The following SGCZ variants were observed in gnomAD, a reference collection of about 807,000 sequenced individuals.
The protein encoded by SGCZ is sarcoglycan zeta, also known as zeta-sarcoglycan.
SGCZ carries 40 observed loss-of-function variants against 41.3 expected under a neutral mutation model. That is an observed-to-expected ratio of 0.97 (90% CI 0.75 to 1.26). The LOEUF is 1.26. Among genes scored for constraint, SGCZ ranks in the 50% most tolerant of loss-of-function variants. The probability of loss-of-function intolerance (pLI) is 0.00; values close to 1 mark genes in which losing one functional copy is unlikely to be tolerated. For synonymous variants in SGCZ, 206 were observed against 137.5 expected, an observed-to-expected ratio of 1.50 and a Z score of -3.49; for missense variants, 552 against 369.8, an observed-to-expected ratio of 1.49 and a Z score of -4.04.
At chr8:14,675,494 A>G (rs1417199812) in intron 1 of SGCZ, among the ~76,000 whole-genome samples, 2 of 152,084 alleles carry the variant, frequency 1.3e-5, no homozygotes, top group East Asian at 3.9e-4. Context: ...TTATTTATTG[A>G]CCACTGTATA....
At chr8:14,347,995 C>T (rs1443464492) in intron 2 of SGCZ, among the ~76,000 whole-genome samples, 2 of 152,068 alleles carry the variant, frequency 1.3e-5, no homozygotes, top group Non-Finnish European at 2.9e-5. Flanking sequence ...CATTCCCTTG[C>T]ATCATGCACG....
At chr8:14,536,989 C>A (rs534757904) in intron 2 of SGCZ, among the ~76,000 whole-genome samples, 3 of 151,896 alleles carry the variant, frequency 2.0e-5, no homozygotes, top group African/African-American at 7.2e-5. Flanking sequence ...TTCTTTAGAA[C>A]TACAAAGGAA....
chr8:14,485,946 A>G (rs1801661442), intron 2 of SGCZ, among the ~76,000 whole-genome samples: 1 of 143,876 alleles, frequency 7.0e-6, no homozygotes, highest in East Asian at 2.1e-4. Flanking sequence ...GGTTCGCGCC[A>G]TTCTCCTGCC....
chr8:14,435,351 G>T (rs904914183), intron 2 of SGCZ, among the ~76,000 whole-genome samples: 1 of 152,088 alleles, frequency 6.6e-6, no homozygotes, highest in African/African-American at 2.4e-5. Context: ...AGTCTTAGCA[G>T]AATCTATTGT....
Position 14,164,644 on chromosome 8 carries a change from G to C in SGCZ, c.483C>G (p.Gly161=), listed in dbSNP as rs376169255. 6.2e-7 allele frequency: 1 copy of C among 1,613,476 alleles called. No individual in the cohort carries two copies. The highest frequency in any genetic ancestry group is 1.3e-5 in the African/African-American group (1 of 74,862). ...KRFEVRASED[G]RVLFSADEDE... is the part of the protein sequence containing the mutation. Reference sequence around the variant, plus strand: ...CTTCATCTGCAGAAAACAGCACCCTGCCATCTTCACTGGCTCTCACTTCAA... The same window carrying C: ...CTTCATCTGCAGAAAACAGCACCCTCCCATCTTCACTGGCTCTCACTTCAA... Residue 161 remains glycine, a synonymous_variant, in exon 5 of 8, where the codon GGC becomes GGG. Transcript: ENST00000382080.
chr8:14,776,056 G>C (rs897552892), intron 1 of SGCZ, among the ~76,000 whole-genome samples: 1 of 152,086 alleles, frequency 6.6e-6, no homozygotes, highest in Non-Finnish European at 1.5e-5. Flanking sequence ...ACAAAATGAA[G>C]ACATTCAAAA....
chr8:14,655,461 A>G (rs1241599246), intron 1 of SGCZ, among the ~76,000 whole-genome samples: 3 of 152,146 alleles, frequency 2.0e-5, no homozygotes, highest in Admixed American at 6.6e-5. Flanking sequence ...TATGGGAATG[A>G]CATTTCCAAT....
At chr8:14,996,218 T>A (rs901644925) in intron 1 of SGCZ, among the ~76,000 whole-genome samples, 1 of 152,106 alleles carries the variant, frequency 6.6e-6, no homozygotes, top group Non-Finnish European at 1.5e-5. Context: ...TTTGCTTTTA[T>A]GTCAATGGTC....
At chr8:14,834,998 C>T (rs958815629) in intron 1 of SGCZ, among the ~76,000 whole-genome samples, 1 of 152,196 alleles carries the variant, frequency 6.6e-6, no homozygotes, top group Non-Finnish European at 1.5e-5. Flanking sequence ...AATTCCAATA[C>T]ATCAGAGCCA....
At chr8:14,817,628 C>A (rs1235664862) in intron 1 of SGCZ, among the ~76,000 whole-genome samples, 1 of 152,158 alleles carries the variant, frequency 6.6e-6, no homozygotes, top group Non-Finnish European at 1.5e-5. Flanking sequence ...ATGCCTGGAG[C>A]CTAGGCCAGA....
At chr8:14,708,154 T>G (rs957217730) in intron 1 of SGCZ, among the ~76,000 whole-genome samples, 1 of 151,952 alleles carries the variant, frequency 6.6e-6, no homozygotes, top group Non-Finnish European at 1.5e-5. Context: ...TATATTTTAA[T>G]TAGACTTTCA....
At chr8:14,723,094 G>A (rs1585209920) in intron 1 of SGCZ, among the ~76,000 whole-genome samples, 1 of 152,180 alleles carries the variant, frequency 6.6e-6, no homozygotes, top group East Asian at 1.9e-4. Flanking sequence ...CAAATATTAA[G>A]TCAAAAATAA....
chr8:15,219,511 T>C (rs1801519927), intron 1 of SGCZ, among the ~76,000 whole-genome samples: 1 of 152,206 alleles, frequency 6.6e-6, no homozygotes, highest in Admixed American at 6.5e-5. Flanking sequence ...GTGTGTTTTT[T>C]CTTTTATGTC....
intron 4 of SGCZ, among the ~76,000 whole-genome samples, chr8:14,201,713 A>G (rs1805461586): frequency 6.6e-6 from 1 of 152,112 alleles, no homozygotes; most frequent in African/African-American, 2.4e-5. Flanking sequence ...ATTTGACTAT[A>G]TGCACCTGTC....
rs1164846845 is a variant in SGCZ at position 14,324,203 on chromosome 8, T to TC, written c.235dup (p.Asp79GlyfsTer16). ...GGTGACTCTCAGATTTCCCATACCA[T>TC]CCTACAAGCAATGAAATATAGTTCA... On this transcript the variant is annotated frameshift_variant and splice_region_variant, in exon 3 of 8. Transcript: ENST00000382080. LOFTEE classifies it high-confidence loss of function. 6.2e-7 allele frequency: 1 copy of TC among 1,606,942 alleles called. No homozygotes were observed. The highest frequency in any genetic ancestry group is 1.3e-5 in the African/African-American group (1 of 74,718).
At chr8:14,563,002 G>A (rs764237365) in intron 1 of SGCZ, among the ~76,000 whole-genome samples, 1 of 152,152 alleles carries the variant, frequency 6.6e-6, no homozygotes. Context: ...ATAATCCAAA[G>A]AGAATATTCC....
intron 5 of SGCZ, among the ~76,000 whole-genome samples, chr8:14,122,114 A>G (rs1802714546): frequency 6.6e-6 from 1 of 152,112 alleles, no homozygotes; most frequent in Non-Finnish European, 1.5e-5. Flanking sequence ...GGTCTCTACT[A>G]AAAATACAAA....
rs376312836 is a variant in SGCZ, at chr8:14,687,676, G to T, written c.40-132750C>A. 1.5e-3 allele frequency among the ~76,000 whole-genome samples: 222 copies of T among 151,684 alleles called. 1 individual carries two copies. In the South Asian group the frequency reaches 0.019, roughly 13 times the overall value. The stretch of plus-strand genomic sequence containing the variant: ...ACATACATGTGCATGTGTCTTTATA[G>T]CAGCATGATTTATAGTCCTTTGGGT... On this transcript the variant is annotated intron_variant, in intron 1 of 7. Coordinates refer to ENST00000382080, the MANE Select transcript of SGCZ (RefSeq NM_139167.4).
At chr8:14,159,322 A>G (rs955380185) in intron 5 of SGCZ, among the ~76,000 whole-genome samples, 2 of 152,152 alleles carry the variant, frequency 1.3e-5, no homozygotes, top group African/African-American at 4.8e-5. Flanking sequence ...CTGTTATTTA[A>G]TTATATTTTC....
Sources: allele counts gnomAD v4.1 joint callset (sites outside exome capture counted in the v4.1 genomes callset), GRCh38; gene constraint gnomAD v4.1.1; transcripts MANE v1.5; gene names NCBI Gene and HGNC (gene_info 2026-07-23, HGNC 2026-07-21).